The following RRP12 variants were observed in gnomAD, a reference collection of about 807,000 sequenced individuals.
RRP12 encodes RRP12-like protein.
A neutral mutation model predicts 157.3 loss-of-function variants in RRP12; 78 were observed. The ratio of observed to expected loss-of-function variants is 0.50; its 90% CI spans 0.41 to 0.60. The LOEUF is 0.60. Among genes scored for constraint, RRP12 ranks in the 20% least tolerant of loss-of-function variants. The pLI is 0.00. For synonymous variants in RRP12, 726 were observed against 670.9 expected (o/e 1.08, Z -1.27); for missense variants, 1,521 against 1,679.9 (o/e 0.91, Z 1.65).
In RRP12 at chr10:97,370,941, G is replaced by T; in HGVS notation, c.2484C>A (p.Thr828=). The change falls in exon 21 of 34, where the codon ACC becomes ACA. Residue 828 remains threonine (T), a synonymous_variant. Coordinates refer to ENST00000370992, the MANE Select transcript of RRP12 (RefSeq NM_015179.4). ...KKTLLDSLRS[T]SSPAKRPRLK... ...CCCTCACCCTCTTGGCGGGTGAGGA[G>T]GTGCTCCGCAGCGAGTCCAGCAGTG... 1 of 1,614,038 alleles carries T rather than the reference G, an allele frequency of 6.2e-7. No homozygotes were observed. Among genetic ancestry groups the T allele is most frequent in the Non-Finnish European group, 8.5e-7 (1 of 1,179,988 alleles).
intron 20 of RRP12, 139 bp from the exon 21 acceptor site, chr10:97,371,220 T>C (rs1844144415): frequency 1.1e-6 from 1 of 904,254 alleles, no homozygotes; most frequent in South Asian, 1.7e-5. Context: ...ACCAGTGGAA[T>C]GTGGACAGCG....
At chr10:97,370,324 G>T in intron 23 of RRP12, 50 bp from the exon 24 acceptor site, 1 of 1,447,228 alleles carries the variant, frequency 6.9e-7, no homozygotes, top group South Asian at 1.2e-5. Context: ...CACCAGGTAG[G>T]GGGGCTGAGG....
At chr10:97,393,329 G>T in intron 4 of RRP12, 1 of 452,976 alleles carries the variant, frequency 2.2e-6, no homozygotes, top group Non-Finnish European at 4.4e-6. Flanking sequence ...AGGCCCTATA[G>T]ACATGCCTTT....
chr10:97,357,800 TACAA>T (rs1457245464), intron 33 of RRP12, among the ~76,000 whole-genome samples: 8 of 151,202 alleles, frequency 5.3e-5, no homozygotes, highest in Non-Finnish European at 7.4e-5. Flanking sequence ...CTACTAAAAA[TACAA>T]AAAAATTAGC....
Position 97,388,276 on chromosome 10 carries a change from G to A in RRP12, c.993C>T (p.Leu331=), listed in dbSNP as rs1844694831. 1.2e-6 allele frequency: 2 copies of A among 1,614,028 alleles called. No individual in the cohort carries two copies. The highest frequency in any genetic ancestry group is 1.7e-6 in the Non-Finnish European group (2 of 1,180,022). ...GLVKSCSETL[L]RVMTLSHVLV... ...CCACATGGCTCAAGGTCATGACCCTGAGGAGAGTCTCACTGCAGCTCTTCA... is the reference window on the plus strand; with the variant it reads ...CCACATGGCTCAAGGTCATGACCCTAAGGAGAGTCTCACTGCAGCTCTTCA... Residue 331 remains leucine, a synonymous_variant, in exon 8 of 34, where the codon CTC becomes CTT. Coordinates refer to ENST00000370992, the MANE Select transcript of RRP12 (RefSeq NM_015179.4).
Position 97,371,076 on chromosome 10 carries a change from C to T in RRP12, c.2349G>A (p.Lys783=). The part of the protein sequence containing the change: ...YSTIRPYLES[K]AHGVQKKAYR... ...AGGCCTTCTTCTGCACCCCGTGGGC[C>T]TTGCTCTGGCAGACAGGAACCGGTG... The change falls in exon 21 of 34, where the codon AAG becomes AAA. Residue 783 remains lysine, a synonymous_variant. Transcript: ENST00000370992. 6.2e-7 allele frequency: 1 copy of T among 1,613,330 alleles called. No individual in the cohort carries two copies. Among genetic ancestry groups the T allele is most frequent in the South Asian group, 1.1e-5 (1 of 90,966 alleles).
In RRP12 at chr10:97,373,615, G is replaced by C; in HGVS notation, c.1986C>G (p.Cys662Trp). 1 of 1,612,248 alleles carries C rather than the reference G, an allele frequency of 6.2e-7. No homozygotes were observed. Among genetic ancestry groups the C allele is most frequent in the Admixed American group, 1.7e-5 (1 of 59,914 alleles). The part of the protein sequence containing the change: ...SERPDLRVTV[C>W]QALRTLITKG... ...TGGTGATGAGGGTGCGCAGGGCCTG[G>C]CACACGGTGACCCTCAGGTCTGGAC... is the stretch of plus-strand genomic sequence containing the variant. The change falls in exon 17 of 34, where the codon TGC becomes TGG. Residue 662 changes from cysteine (C) to tryptophan (W), a missense_variant. By Grantham distance (215) the Cys-to-Trp change is radical. Coordinates refer to ENST00000370992, the MANE Select transcript of RRP12 (RefSeq NM_015179.4).
chr10:97,371,860 G>C, intron 20 of RRP12: 1 of 495,230 alleles, frequency 2.0e-6, no homozygotes, highest in South Asian at 3.1e-5. Flanking sequence ...CAGCACGCAA[G>C]GCCTAAGCAC....
chr10:97,380,724 C>A, intron 13 of RRP12, 75 bp downstream of exon 13: 1 of 1,042,356 alleles, frequency 9.6e-7, no homozygotes. Flanking sequence ...ATAACAGAGA[C>A]ACGTGCCCTC....
At chr10:97,371,275 C>G in intron 20 of RRP12, 194 bp from the exon 21 acceptor site, 2 of 626,526 alleles carry the variant, frequency 3.2e-6, no homozygotes, top group South Asian at 3.9e-5. Context: ...GGGTGTGTGC[C>G]GTGGGGCCCA....
Position 97,370,945 on chromosome 10 carries a change from C to T in RRP12, c.2480G>A (p.Ser827Asn). ...CACCCTCTTGGCGGGTGAGGAGGTG[C>T]TCCGCAGCGAGTCCAGCAGTGTCTT... ...LKKTLLDSLRSTSSPAKRPRL... is the reference protein window; with the variant it reads ...LKKTLLDSLRNTSSPAKRPRL... The change falls in exon 21 of 34, where the codon AGC (serine) becomes AAC (asparagine). Residue 827 changes from serine (S) to asparagine (N), a missense_variant. Physicochemically the swap from Ser to Asn is conservative, Grantham distance 46 (BLOSUM62 1). Transcript: ENST00000370992. The T allele has an allele frequency of 6.2e-7, 1 of 1,614,022 alleles. No homozygotes were observed. The highest frequency in any genetic ancestry group is 1.1e-5 in the South Asian group (1 of 91,076).
At chr10:97,380,973 GA>G (rs1266975178) in intron 12 of RRP12, 60 bp from the exon 13 acceptor site, 2 of 1,361,264 alleles carry the variant, frequency 1.5e-6, no homozygotes, top group Non-Finnish European at 2.1e-6. Context: ...CCCCACCAGA[GA>G]AAGTCAACGG....
In RRP12 at chr10:97,358,972, C is replaced by A; in HGVS notation, c.3679G>T (p.Ala1227Ser). 2 of 1,613,958 alleles carry A rather than the reference C, an allele frequency of 1.2e-6. No individual in the cohort carries two copies. The highest frequency in any genetic ancestry group is 1.7e-6 in the Non-Finnish European group (2 of 1,179,956). The stretch of plus-strand genomic sequence containing the variant: ...GCCTTGTATTCAGCCCCAGGCATAG[C>A]CTTCTTGGCCACAGGGCGATGAATG... ...SGIHRPVAKK[A>S]MPGAEYKAKK... Residue 1227 changes from alanine (A) to serine (S), a missense_variant, in exon 32 of 34, where the codon GCT becomes TCT. By Grantham distance (99) the Ala-to-Ser change is moderately conservative. Coordinates refer to ENST00000370992, the MANE Select transcript of RRP12 (RefSeq NM_015179.4).
chr10:97,363,344 T>C (rs1843890769), intron 30 of RRP12, among the ~76,000 whole-genome samples: 1 of 152,152 alleles, frequency 6.6e-6, no homozygotes. Flanking sequence ...ACAGGGGTAA[T>C]GGTGGCAAAG....
chr10:97,393,289 T>C (rs1844859756), intron 4 of RRP12: 8 of 439,108 alleles, frequency 1.8e-5, no homozygotes, highest in South Asian at 9.8e-5. Flanking sequence ...ATGAACACAC[T>C]GAGCACACAT....
At position 97,381,465 on chromosome 10, in the gene RRP12, C is replaced by T. The variant is rs762936931; in HGVS notation, c.1339G>A (p.Val447Met). Residue 447 changes from valine to methionine, a missense_variant, in exon 12 of 34, where the codon GTG becomes ATG. Val to Met is a conservative substitution (Grantham distance 21, BLOSUM62 1). Transcript: ENST00000370992. ...CCAATGTCAGCCATGTGGGGAGCCA[C>T]GCATTCCTTCAGGATCTCCTGCGAA... Reference protein sequence around the residue: ...QSLKEILKECVAPHMADIGSV... With the variant: ...QSLKEILKECMAPHMADIGSV... The T allele has an allele frequency of 1.4e-5, 23 of 1,612,406 alleles. No individual in the cohort carries two copies. The highest frequency in any genetic ancestry group is 1.6e-4 in the Middle Eastern group (1 of 6,078).
intron 9 of RRP12, 22 bp from the exon 10 acceptor site, chr10:97,385,279 T>C: frequency 6.3e-7 from 1 of 1,576,374 alleles, no homozygotes; most frequent in Non-Finnish European, 8.7e-7. Context: ...AATAAGCAGG[T>C]GACTGAGCAT....
At position 97,379,334 on chromosome 10, in the gene RRP12, G is replaced by T. The variant is rs757545276; in HGVS notation, c.1757C>A (p.Thr586Asn). The stretch of plus-strand genomic sequence containing the variant: ...GTTAGCCAGGGGCAAGAAGTAGGTG[G>T]TGAAAAAACCAAGTCGCGTTTCCTG... ...HVQETRLGFF[T>N]TYFLPLANTL... Residue 586 changes from threonine to asparagine, a missense_variant, in exon 15 of 34, where the codon ACC becomes AAC. Thr to Asn is a moderately conservative substitution (Grantham distance 65). Coordinates refer to ENST00000370992, the MANE Select transcript of RRP12 (RefSeq NM_015179.4). 3 of 1,614,052 alleles carry T rather than the reference G, an allele frequency of 1.9e-6. No homozygotes were observed. The highest frequency in any genetic ancestry group is 2.5e-6 in the Non-Finnish European group (3 of 1,180,008).
intron 29 of RRP12, among the ~76,000 whole-genome samples, chr10:97,365,683 T>C (rs113100334): frequency 8.0e-5 from 12 of 150,454 alleles, no homozygotes; most frequent in African/African-American, 2.7e-4. Context: ...ATGTGAGACA[T>C]TGGGATTGGG....
Sources: gnomAD v4.1 joint callset for allele counts (sites outside exome capture counted in the v4.1 genomes callset) on GRCh38, gnomAD v4.1.1 for gene constraint, MANE v1.5 for transcripts, NCBI Gene and HGNC (gene_info 2026-07-23, HGNC 2026-07-21) for gene names.